RUNDC3B: variants seen among roughly 807,000 people sequenced by gnomAD.
The protein encoded by RUNDC3B is RUN domain containing 3B, also known as RUN domain-containing protein 3B.
A neutral mutation model predicts 58.4 loss-of-function variants in RUNDC3B; 33 were observed. The observed-to-expected ratio is 0.56, with a 90% CI of 0.43 to 0.75. RUNDC3B has a LOEUF of 0.75. Ranked by LOEUF, RUNDC3B falls within the 30% of genes least tolerant of loss-of-function variation. RUNDC3B has a pLI of 0.00. For missense variants in RUNDC3B, 501 were observed against 535.7 expected, an observed-to-expected ratio of 0.94 and a Z score of 0.64; for synonymous variants, 193 against 195.2, an observed-to-expected ratio of 0.99 and a Z score of 0.10.
chr7:87,800,959 C>T (rs537652605), intron 8 of RUNDC3B, among the ~76,000 whole-genome samples: 3 of 152,224 alleles, frequency 2.0e-5, no homozygotes, highest in Non-Finnish European at 4.4e-5. Context: ...GTTTTATGTA[C>T]ACCTTATACA....
intron 3 of RUNDC3B, among the ~76,000 whole-genome samples, chr7:87,702,718 C>T (rs1829204130): frequency 6.6e-6 from 1 of 152,104 alleles, no homozygotes; most frequent in Non-Finnish European, 1.5e-5. Flanking sequence ...ACTATTAAGT[C>T]AAATGGATCG....
At chr7:87,774,268 A>G (rs1166411138) in intron 7 of RUNDC3B, among the ~76,000 whole-genome samples, 1 of 152,220 alleles carries the variant, frequency 6.6e-6, no homozygotes, top group Non-Finnish European at 1.5e-5. Flanking sequence ...CACAACTTGT[A>G]TAGTACTTGT....
intron 4 of RUNDC3B, among the ~76,000 whole-genome samples, chr7:87,715,167 A>C (rs1425664739): frequency 6.9e-6 from 1 of 144,516 alleles, no homozygotes; most frequent in African/African-American, 2.5e-5. Context: ...AAATGCTATA[A>C]AGGATGAGGG....
intron 8 of RUNDC3B, among the ~76,000 whole-genome samples, chr7:87,798,720 CTCTT>C (rs1835954147): frequency 6.6e-6 from 1 of 152,114 alleles, no homozygotes; most frequent in African/African-American, 2.4e-5. Flanking sequence ...TCATTAATGT[CTCTT>C]TCTTCTTAAA....
At chr7:87,700,908 G>T (rs1479665025) in intron 3 of RUNDC3B, among the ~76,000 whole-genome samples, 1 of 152,214 alleles carries the variant, frequency 6.6e-6, no homozygotes, top group East Asian at 1.9e-4. Context: ...ACGAATTAAT[G>T]CAGTGACATC....
At chr7:87,797,482 G>C (rs1201526340) in intron 8 of RUNDC3B, among the ~76,000 whole-genome samples, 1 of 152,180 alleles carries the variant, frequency 6.6e-6, no homozygotes, top group Admixed American at 6.5e-5. Context: ...TCAGGCAGTG[G>C]ATTCAGGTGG....
intron 6 of RUNDC3B, among the ~76,000 whole-genome samples, chr7:87,742,610 A>G (rs1832394790): frequency 6.6e-6 from 1 of 151,990 alleles, no homozygotes; most frequent in Admixed American, 6.5e-5. Flanking sequence ...ATAGATAGAT[A>G]GATAGATAGA....
At chr7:87,643,025 C>T (rs1178179921) in intron 1 of RUNDC3B, among the ~76,000 whole-genome samples, 1 of 152,148 alleles carries the variant, frequency 6.6e-6, no homozygotes, top group Non-Finnish European at 1.5e-5. Context: ...AAGTTGTCCT[C>T]TTGCCTCAGC....
intron 2 of RUNDC3B, among the ~76,000 whole-genome samples, chr7:87,652,729 C>G (rs2130386638): frequency 6.7e-6 from 1 of 149,722 alleles, no homozygotes; most frequent in Non-Finnish European, 1.5e-5. Flanking sequence ...ATATTATTTC[C>G]TATTTTTTGG....
intron 8 of RUNDC3B, among the ~76,000 whole-genome samples, chr7:87,796,144 G>A (rs1835808025): frequency 6.6e-6 from 1 of 152,162 alleles, no homozygotes; most frequent in Non-Finnish European, 1.5e-5. Flanking sequence ...ATGAGATCCT[G>A]TTATTTGCAA....
At chr7:87,729,520 A>G (rs1318263600) in intron 4 of RUNDC3B, among the ~76,000 whole-genome samples, 2 of 152,210 alleles carry the variant, frequency 1.3e-5, no homozygotes, top group Non-Finnish European at 2.9e-5. Context: ...GCCAGTGCCT[A>G]CAGAGGGAGC....
intron 4 of RUNDC3B, among the ~76,000 whole-genome samples, chr7:87,718,952 T>G (rs1323984301): frequency 6.6e-6 from 1 of 152,054 alleles, no homozygotes; most frequent in African/African-American, 2.4e-5. Context: ...GTTTTGTAAC[T>G]AGAAAACCGT....
chr7:87,788,837 A>G (rs1178928294), intron 8 of RUNDC3B, among the ~76,000 whole-genome samples: 1 of 151,554 alleles, frequency 6.6e-6, no homozygotes, highest in East Asian at 1.9e-4. Flanking sequence ...TATTTATGCT[A>G]ATTGGTGGAA....
intron 4 of RUNDC3B, among the ~76,000 whole-genome samples, chr7:87,710,857 T>A (rs1387123941): frequency 1.3e-5 from 2 of 152,202 alleles, no homozygotes; most frequent in Non-Finnish European, 2.9e-5. Context: ...TGTAAAAAGA[T>A]ACACATTACG....
chr7:87,732,295 A>G (rs1320479684), intron 4 of RUNDC3B, among the ~76,000 whole-genome samples: 1 of 152,160 alleles, frequency 6.6e-6, no homozygotes, highest in Non-Finnish European at 1.5e-5. Context: ...TGCTTCAATC[A>G]AAAAAGTAGA....
In RUNDC3B at chr7:87,659,516, A is replaced by G. The variant is rs144000976; in HGVS notation, c.238+8579A>G. ...TGTGTGTGTAGCATAGTTGTTTTAA[A>G]TATTTCCTCTACATACATATAGGAC... On this transcript the variant is annotated intron_variant, in intron 2 of 10. Transcript: ENST00000394654. 3.3e-5 allele frequency among the ~76,000 whole-genome samples: 5 copies of G among 152,238 alleles called. No individual in the cohort carries two copies. In the East Asian group the frequency reaches 9.7e-4, roughly 29 times the overall value.
At chr7:87,723,648 G>A (rs1384847998) in intron 4 of RUNDC3B, among the ~76,000 whole-genome samples, 2 of 152,070 alleles carry the variant, frequency 1.3e-5, no homozygotes, top group African/African-American at 2.4e-5. Context: ...GAAGGTAAAA[G>A]AGTTTAAATA....
intron 10 of RUNDC3B, among the ~76,000 whole-genome samples, chr7:87,819,143 G>T (rs527676505): frequency 6.6e-6 from 1 of 152,236 alleles, no homozygotes; most frequent in South Asian, 2.1e-4. Context: ...AAACAGTTGT[G>T]ACTCGGCCCT....
intron 9 of RUNDC3B, among the ~76,000 whole-genome samples, chr7:87,815,828 C>T (rs1009305578): frequency 2.0e-5 from 3 of 151,958 alleles, no homozygotes; most frequent in African/African-American, 7.2e-5. Flanking sequence ...ATTTTTTGTT[C>T]TTTGAAAATT....
Sources: gnomAD v4.1 joint callset for allele counts (sites outside exome capture counted in the v4.1 genomes callset) on GRCh38, gnomAD v4.1.1 for gene constraint, MANE v1.5 for transcripts, NCBI Gene and HGNC (gene_info 2026-07-23, HGNC 2026-07-21) for gene names.